The following BICD1 variants were observed in gnomAD, a reference collection of about 807,000 sequenced individuals.
BICD1 encodes protein bicaudal D homolog 1.
BICD1 carries 35 observed loss-of-function variants against 92.5 expected under a neutral mutation model. The ratio of observed to expected loss-of-function variants is 0.38; its 90% confidence interval spans 0.29 to 0.50. BICD1 has a LOEUF of 0.50. BICD1 is among the 20% of genes least tolerant of loss of function. BICD1 has a pLI of 0.93. For missense variants in BICD1, 950 were observed against 1,189.8 expected (o/e 0.80, Z 2.97); for synonymous variants, 429 against 465.1 (o/e 0.92, Z 1.00).
At chr12:32,305,644 T>C (rs1948191050) in intron 3 of BICD1, 53 bp from the exon 4 acceptor site, 1 of 1,512,356 alleles carries the variant, frequency 6.6e-7, no homozygotes, top group South Asian at 1.3e-5. Flanking sequence ...AATGGCAGTT[T>C]TGTAAGATCC....
chr12:32,202,248 G>C (rs190817062), intron 1 of BICD1, among the ~76,000 whole-genome samples: 54 of 152,304 alleles, frequency 3.5e-4, no homozygotes, highest in African/African-American at 1.2e-3. Context: ...TCAGATCCTA[G>C]TTTGAGACCC....
Position 32,118,231 on chromosome 12 carries a change from C to T in BICD1, c.213+10687C>T, listed in dbSNP as rs944106767. Among the ~76,000 whole-genome samples, 8 of 151,768 alleles carry T rather than the reference C, an allele frequency of 5.3e-5. 1 individual carries two copies. The highest frequency in any genetic ancestry group is 1.3e-4 in the Admixed American group (2 of 15,180). On this transcript the variant is annotated intron_variant, in intron 1 of 9. Transcript: ENST00000652176. ...CCAAGTAGCTGGGACTACAGGTGCC[C>T]GCCACTACGCCTGGCCAATTTTTGT... is the stretch of plus-strand genomic sequence containing the variant.
chr12:32,143,400 T>A (rs1246376766), intron 1 of BICD1, among the ~76,000 whole-genome samples: 1 of 152,230 alleles, frequency 6.6e-6, no homozygotes, highest in East Asian at 1.9e-4. Flanking sequence ...TTTTGAACTT[T>A]ACATGAATGG....
At chr12:32,345,295 G>GA (rs1312018943) in intron 8 of BICD1, among the ~76,000 whole-genome samples, 1 of 149,442 alleles carries the variant, frequency 6.7e-6, no homozygotes, top group Non-Finnish European at 1.5e-5. Flanking sequence ...AAAAAAAGAA[G>GA]AAAAAATATA....
intron 2 of BICD1, among the ~76,000 whole-genome samples, chr12:32,245,653 A>G (rs988746017): frequency 9.9e-5 from 15 of 151,526 alleles, no homozygotes; most frequent in African/African-American, 3.7e-4. Context: ...ATATTGCAAT[A>G]TAGTGTTACT....
intron 1 of BICD1, among the ~76,000 whole-genome samples, chr12:32,165,682 C>CAA (rs35023796): frequency 2.2e-3 from 279 of 128,096 alleles, no homozygotes; most frequent in African/African-American, 3.6e-3. Context: ...GACTCTGTCT[C>CAA]AAAAAAAAAA....
At chr12:32,254,731 T>G (rs1946671158) in intron 2 of BICD1, among the ~76,000 whole-genome samples, 1 of 152,180 alleles carries the variant, frequency 6.6e-6, no homozygotes, top group African/African-American at 2.4e-5. Context: ...TCTTCTGGAA[T>G]TTAGTGACTA....
At chr12:32,165,904 A>C (rs1401408529) in intron 1 of BICD1, among the ~76,000 whole-genome samples, 2 of 152,068 alleles carry the variant, frequency 1.3e-5, no homozygotes, top group Non-Finnish European at 2.9e-5. Flanking sequence ...GGAGTCCTAA[A>C]GGGGCTCATT....
At chr12:32,271,911 C>G (rs910308950) in intron 2 of BICD1, among the ~76,000 whole-genome samples, 1 of 152,126 alleles carries the variant, frequency 6.6e-6, no homozygotes, top group African/African-American at 2.4e-5. Flanking sequence ...GTGAAAGGAG[C>G]TCATACTTAA....
intron 1 of BICD1, among the ~76,000 whole-genome samples, chr12:32,184,946 G>C (rs1289650227): frequency 6.6e-6 from 1 of 152,148 alleles, no homozygotes; most frequent in African/African-American, 2.4e-5. Context: ...AAATCAGTTG[G>C]TAGGAACCTG....
intron 1 of BICD1, among the ~76,000 whole-genome samples, chr12:32,140,675 A>T (rs1401407510): frequency 6.6e-6 from 1 of 152,142 alleles, no homozygotes; most frequent in Non-Finnish European, 1.5e-5. Context: ...ACCGTATTTG[A>T]TTCTGTGTTT....
chr12:32,310,987 T>C (rs1325114771), intron 4 of BICD1, among the ~76,000 whole-genome samples: 1 of 152,220 alleles, frequency 6.6e-6, no homozygotes, highest in Non-Finnish European at 1.5e-5. Flanking sequence ...CATAGGTATT[T>C]ATTTAACCTG....
chr12:32,351,250 C>T (rs1234318538), intron 8 of BICD1, among the ~76,000 whole-genome samples: 1 of 150,570 alleles, frequency 6.6e-6, no homozygotes, highest in East Asian at 2.0e-4. Flanking sequence ...CTTTGGGAAG[C>T]CGAGGTGGGC....
intron 1 of BICD1, among the ~76,000 whole-genome samples, chr12:32,183,055 C>T (rs1363705314): frequency 6.6e-6 from 1 of 151,336 alleles, no homozygotes; most frequent in Non-Finnish European, 1.5e-5. Context: ...GTGCACTCAG[C>T]TCATTGTTTT....
At chr12:32,236,026 T>TA (rs1946061693) in intron 2 of BICD1, among the ~76,000 whole-genome samples, 1 of 151,886 alleles carries the variant, frequency 6.6e-6, no homozygotes, top group East Asian at 1.9e-4. Context: ...TTATATCTGT[T>TA]ATGGTGATCT....
chr12:32,254,311 A>C (rs563900672), intron 2 of BICD1, among the ~76,000 whole-genome samples: 1 of 151,336 alleles, frequency 6.6e-6, no homozygotes, highest in South Asian at 2.1e-4. Context: ...CACCTGCCAT[A>C]TTCACTGGCA....
intron 1 of BICD1, among the ~76,000 whole-genome samples, chr12:32,114,094 A>G (rs889969220): frequency 6.6e-6 from 1 of 151,882 alleles, no homozygotes; most frequent in South Asian, 2.1e-4. Flanking sequence ...AGTGGTCTTG[A>G]TCTTCTGACC....
chr12:32,303,493 G>A (rs560850259), intron 3 of BICD1, among the ~76,000 whole-genome samples: 1 of 152,292 alleles, frequency 6.6e-6, no homozygotes, highest in East Asian at 1.9e-4. Context: ...CCAGAGTAAA[G>A]GCTACATTCT....
intron 9 of BICD1, 21 bp from the exon 10 acceptor site, chr12:32,377,519 G>T (rs751353645): frequency 6.2e-7 from 1 of 1,601,784 alleles, no homozygotes; most frequent in East Asian, 2.2e-5. Flanking sequence ...TCTTGCTGAC[G>T]TGCTTGTTTC....
Sources: allele counts gnomAD v4.1 joint callset (sites outside exome capture counted in the v4.1 genomes callset), GRCh38; gene constraint gnomAD v4.1.1; transcripts MANE v1.5; gene names NCBI Gene and HGNC (gene_info 2026-07-23, HGNC 2026-07-21).